The following RPL28 variants were observed in gnomAD, a reference collection of about 807,000 sequenced individuals.
RPL28 encodes ribosomal protein L28.
A neutral mutation model predicts 12.5 loss-of-function variants in RPL28; 4 were observed. The ratio of observed to expected loss-of-function variants is 0.32; its 90% confidence interval spans 0.16 to 0.73. The LOEUF (loss-of-function observed/expected upper bound fraction) is 0.73. Ranked by LOEUF, RPL28 falls within the 30% of genes least tolerant of loss-of-function variation. The pLI, the probability that RPL28 is intolerant of heterozygous loss-of-function variation, is 0.66. For missense variants in RPL28, 214 were observed against 197.7 expected (o/e 1.08, Z -0.49); for synonymous variants, 91 against 72.5 (o/e 1.26, Z -1.30).
downstream of RPL28, among the ~76,000 whole-genome samples, chr19:55,394,339 A>C (rs975198596): frequency 2.0e-5 from 3 of 152,194 alleles, no homozygotes; most frequent in Admixed American, 2.0e-4. Flanking sequence ...GGCTCACTGC[A>C]GCCTTGAACT....
At chr19:55,396,501 C>T, downstream of RPL28, among the ~76,000 whole-genome samples, 1 of 3,888 alleles carries the variant, frequency 2.6e-4, no homozygotes, top group African/African-American at 1.2e-3. Context: ...CCCACCCCTC[C>T]CCTCCCCTCC....
chr19:55,390,327 C>A lies in RPL28; in HGVS notation c.*1995C>A. On this transcript the variant is annotated 3_prime_UTR_variant, in exon 5 of 5. Transcript: ENST00000344063. Reference sequence around the variant, plus strand: ...TCAAGCGATTCTCCTGCCTCAGCCTCCCGAGTAGCTGGGATTACAGGTGGG... The same window carrying A: ...TCAAGCGATTCTCCTGCCTCAGCCTACCGAGTAGCTGGGATTACAGGTGGG... 1.4e-6 allele frequency: 1 copy of A among 722,630 alleles called. No homozygotes were observed. Among genetic ancestry groups the A allele is most frequent in the Non-Finnish European group, 1.7e-6 (1 of 590,440 alleles). 44.8% of individuals were successfully genotyped at this position (722,630 alleles called of 1,614,324 possible). A position where few individuals can be genotyped will look rare whatever the true frequency, so the allele number is the denominator to read the frequency against.
Position 55,389,968 on chromosome 19 carries a change from G to A in RPL28, c.*1636G>A. On this transcript the variant is annotated 3_prime_UTR_variant, in exon 5 of 5. Transcript: ENST00000344063. ...TGCGCTGGGACTCCGCCTTCATAAG[G>A]AGAGCTCACTGCTCACGTTAGTAGA... 1 of 985,482 alleles carries A rather than the reference G, an allele frequency of 1.0e-6. No homozygotes were observed. The highest frequency in any genetic ancestry group is 1.2e-6 in the Non-Finnish European group (1 of 829,992). The allele number at this position is 985,482 out of a possible 1,614,324, so 61.0% of individuals were successfully genotyped here. A position where few individuals can be genotyped will look rare whatever the true frequency, so the allele number is the denominator to read the frequency against.
chr19:55,396,774 G>GT, downstream of RPL28, among the ~76,000 whole-genome samples: 1 of 149,406 alleles, frequency 6.7e-6, no homozygotes, highest in African/African-American at 2.5e-5. Flanking sequence ...TAGAGACAGG[G>GT]TTTCACCGTG....
chr19:55,389,580 GTT>G lies in RPL28; in HGVS notation c.*1249_*1250del. On this transcript the variant is annotated 3_prime_UTR_variant, in exon 5 of 5. Transcript: ENST00000344063. ...CTGTCAGGGCCTCGACTTGCCATTG[GTT>G]GGGGTCGTACGGGGCTGGGAGCCCT... 1 of 985,400 alleles carries G rather than the reference GTT, an allele frequency of 1.0e-6. No homozygotes were observed. The highest frequency in any genetic ancestry group is 1.1e-4 in the East Asian group (1 of 8,830). 61.0% of individuals were successfully genotyped at this position (985,400 alleles called of 1,614,324 possible).
In RPL28 at chr19:55,389,374, AAG is replaced by A. The variant is rs2089967498; in HGVS notation, c.*1045_*1046del. 2.0e-6 allele frequency: 2 copies of A among 985,144 alleles called. No individual in the cohort carries two copies. The highest frequency in any genetic ancestry group is 2.4e-6 in the Non-Finnish European group (2 of 829,896). The allele number at this position is 985,144 out of a possible 1,614,324, so 61.0% of individuals were successfully genotyped here. On this transcript the variant is annotated 3_prime_UTR_variant, in exon 5 of 5. Transcript: ENST00000344063. The stretch of plus-strand genomic sequence containing the variant: ...ACACACAGTGAGGCCTGGATGGGGA[AAG>A]AGTCCTGCTGTTGATCCTCACATGT...
chr19:55,401,708 C>T (rs1471768723), intron 4 of RPL28: 3 of 1,613,440 alleles, frequency 1.9e-6, no homozygotes, highest in East Asian at 2.2e-5. Flanking sequence ...AGGCGGCCCG[C>T]CTCCTCGTTG....
In RPL28 at chr19:55,402,660, A is replaced by G. The variant is rs188287150; in HGVS notation, c.325-283A>G. 2.7e-3 allele frequency among the ~76,000 whole-genome samples: 409 copies of G among 152,302 alleles called. 1 individual carries two copies. Among genetic ancestry groups the G allele is most frequent in the African/African-American group, 9.7e-3 (401 of 41,554 alleles). On this transcript the variant is annotated intron_variant, in intron 4 of 4. Transcript: ENST00000560055. ...CACCCTAATTCTCATCACTGCACCC[A>G]AACTGCAGGTCTGGCTGCTCTTCTT...
chr19:55,388,483 A>G lies in RPL28; in HGVS notation c.*151A>G. 7.5e-7 allele frequency: 1 copy of G among 1,327,236 alleles called. No individual in the cohort carries two copies. The highest frequency in any genetic ancestry group is 9.7e-7 in the Non-Finnish European group (1 of 1,033,832). 82.2% of individuals were successfully genotyped at this position (1,327,236 alleles called of 1,614,324 possible). On this transcript the variant is annotated 3_prime_UTR_variant, in exon 5 of 5. Transcript: ENST00000344063. Reference sequence around the variant, plus strand: ...TCTGCATGTCACCTTGTCCATCTGGAGGTGATGTCAATGGCTGGCCATGCA... The same window carrying G: ...TCTGCATGTCACCTTGTCCATCTGGGGGTGATGTCAATGGCTGGCCATGCA...
intron 4 of RPL28, among the ~76,000 whole-genome samples, chr19:55,401,964 G>A (rs1381169421): frequency 6.6e-6 from 1 of 152,184 alleles, no homozygotes; most frequent in East Asian, 1.9e-4. Context: ...CCTCACAGCA[G>A]ATGTTCCCAA....
intron 4 of RPL28, among the ~76,000 whole-genome samples, chr19:55,402,188 G>C (rs1190344351): frequency 1.3e-5 from 2 of 152,224 alleles, no homozygotes; most frequent in Admixed American, 6.5e-5. Context: ...CTGCAGCCTG[G>C]ACAGAGAGAA....
At chr19:55,397,275 G>T (rs1023140145) in intron 4 of RPL28, among the ~76,000 whole-genome samples, 1 of 152,236 alleles carries the variant, frequency 6.6e-6, no homozygotes, top group African/African-American at 2.4e-5. Context: ...AGGCATTCAA[G>T]CTGTAGTATC....
chr19:55,403,146 C>T, exon 5 of RPL28: 1 of 739,748 alleles, frequency 1.4e-6, no homozygotes, highest in Non-Finnish European at 2.4e-6. Context: ...CCTTTCTGGT[C>T]TCCTGACAAT....
At position 55,390,133 on chromosome 19, in the gene RPL28, C is replaced by T. The variant is rs763560639; in HGVS notation, c.*1801C>T. The T allele has an allele frequency of 1.0e-6, 1 of 985,384 alleles. No homozygotes were observed. Among genetic ancestry groups the T allele is most frequent in the Non-Finnish European group, 1.2e-6 (1 of 829,954 alleles). The allele number at this position is 985,384 out of a possible 1,614,324, so 61.0% of individuals were successfully genotyped here. ...TGGGCAAGGGGTTTGTCTAGCACAC[C>T]AGCATATAATGAGATGCTTGATGAA... On this transcript the variant is annotated 3_prime_UTR_variant, in exon 5 of 5. Coordinates refer to ENST00000344063, the MANE Select transcript of RPL28 (RefSeq NM_000991.5).
chr19:55,386,429 C>A lies in RPL28; in HGVS notation c.72C>A (p.Thr24=), dbSNP rs528404085. The A allele has an allele frequency of 1.2e-6, 2 of 1,613,892 alleles. No individual in the cohort carries two copies. The highest frequency in any genetic ancestry group is 1.3e-5 in the African/African-American group (1 of 74,940). ...SSFLIKRNKQ[T]YSTEPNNLKA... is the part of the protein sequence containing the mutation. ...TCCTGATCAAGAGGAATAAGCAGAC[C>A]TACAGCACTGTAAGTGGGGCCCGGA... Residue 24 remains threonine, a synonymous_variant, in exon 2 of 5, where the codon ACC becomes ACA. Transcript: ENST00000344063.
intron 4 of RPL28, among the ~76,000 whole-genome samples, chr19:55,397,821 C>T (rs897343736): frequency 4.0e-5 from 6 of 150,988 alleles, no homozygotes; most frequent in South Asian, 2.1e-4. Flanking sequence ...CAGTTGAGCC[C>T]GGGAGTTTGA....
downstream of RPL28, chr19:55,392,220 T>G (rs775344020): frequency 3.8e-6 from 2 of 525,262 alleles, no homozygotes; most frequent in African/African-American, 2.1e-5. Context: ...TTCACACATA[T>G]GCATGCAGAT....
In RPL28 at chr19:55,389,880, C is replaced by G. The variant is rs569893030; in HGVS notation, c.*1548C>G. On this transcript the variant is annotated 3_prime_UTR_variant, in exon 5 of 5. Transcript: ENST00000344063. ...GCTGGCCTCACTCCGCTGGTGACTT[C>G]GTACCTGCTCAGGAGCCCCCACTGT... The G allele has an allele frequency of 2.0e-6, 2 of 985,332 alleles. No individual in the cohort carries two copies. Among genetic ancestry groups the G allele is most frequent in the Non-Finnish European group, 2.4e-6 (2 of 830,060 alleles). The allele number at this position is 985,332 out of a possible 1,614,324, so 61.0% of individuals were successfully genotyped here.
chr19:55,392,723 G>A (rs1380514653), downstream of RPL28, among the ~76,000 whole-genome samples: 1 of 151,892 alleles, frequency 6.6e-6, no homozygotes, highest in Admixed American at 6.6e-5. Flanking sequence ...TAGAGACGGG[G>A]TTTCACCGTG....
Sources: allele counts gnomAD v4.1 joint callset (sites outside exome capture counted in the v4.1 genomes callset), GRCh38; gene constraint gnomAD v4.1.1; transcripts MANE v1.5; gene names NCBI Gene and HGNC (gene_info 2026-07-23, HGNC 2026-07-21).